UNC5D: variants seen among roughly 807,000 people sequenced by gnomAD.
UNC5D encodes the protein unc-5 netrin receptor D.
UNC5D carries 39 observed loss-of-function variants against 105.4 expected under a neutral mutation model. The ratio of observed to expected loss-of-function variants is 0.37; its 90% CI spans 0.29 to 0.48. UNC5D has a LOEUF of 0.48. Ranked by LOEUF, UNC5D falls within the 20% of genes least tolerant of loss-of-function variation. The probability of loss-of-function intolerance (pLI) is 0.98; values close to 1 mark genes in which losing one functional copy is unlikely to be tolerated. For missense variants in UNC5D, 991 were observed against 1,202.4 expected (o/e 0.82, Z 2.60); for synonymous variants, 452 against 450.4 (o/e 1.00, Z -0.04).
At chr8:35,456,233 A>G (rs765634775) in intron 1 of UNC5D, among the ~76,000 whole-genome samples, 8 of 152,098 alleles carry the variant, frequency 5.3e-5, no homozygotes, top group Non-Finnish European at 8.8e-5. Flanking sequence ...GGATTACTAA[A>G]CCATTGTTCT....
intron 1 of UNC5D, among the ~76,000 whole-genome samples, chr8:35,407,507 T>TTGTATGTATGTATGTA (rs59074158): frequency 7.3e-5 from 11 of 150,802 alleles, no homozygotes; most frequent in African/African-American, 2.7e-4. Context: ...AGGTTTTCAT[T>TTGTATGTATGTATGTA]TGTATGTATG....
chr8:35,276,120 A>G (rs924164910), intron 1 of UNC5D, among the ~76,000 whole-genome samples: 4 of 152,116 alleles, frequency 2.6e-5, no homozygotes, highest in African/African-American at 7.2e-5. Flanking sequence ...CTATTTAATC[A>G]CTCTTCTTAA....
At chr8:35,413,291 G>T (rs146427487) in intron 1 of UNC5D, among the ~76,000 whole-genome samples, 26 of 6,718 alleles carry the variant, frequency 3.9e-3, no homozygotes, top group African/African-American at 4.6e-3. Flanking sequence ...GTGTGTGTGT[G>T]TTGTGTGTGT....
chr8:35,512,942 A>G (rs1414352049), intron 1 of UNC5D, among the ~76,000 whole-genome samples: 1 of 151,832 alleles, frequency 6.6e-6, no homozygotes, highest in Non-Finnish European at 1.5e-5. Flanking sequence ...CAGCCTCCCA[A>G]TGTGCTGGGA....
intron 1 of UNC5D, among the ~76,000 whole-genome samples, chr8:35,410,729 GA>G (rs1387825030): frequency 6.6e-6 from 1 of 152,050 alleles, no homozygotes; most frequent in Admixed American, 6.6e-5. Flanking sequence ...CTGCAGTGAT[GA>G]GAAAACAGAG....
At chr8:35,270,827 C>A (rs947724496) in intron 1 of UNC5D, among the ~76,000 whole-genome samples, 2 of 151,812 alleles carry the variant, frequency 1.3e-5, no homozygotes, top group Non-Finnish European at 2.9e-5. Flanking sequence ...GCAGTCATTT[C>A]TTCCAGTTGC....
At chr8:35,330,426 T>A (rs1253500977) in intron 1 of UNC5D, among the ~76,000 whole-genome samples, 1 of 152,140 alleles carries the variant, frequency 6.6e-6, no homozygotes, top group Non-Finnish European at 1.5e-5. Flanking sequence ...AAGTCTAAGG[T>A]CTCTTTTAAT....
At chr8:35,414,308 A>G (rs1422423030) in intron 1 of UNC5D, among the ~76,000 whole-genome samples, 1 of 152,088 alleles carries the variant, frequency 6.6e-6, no homozygotes, top group African/African-American at 2.4e-5. Context: ...GCAGGATTTT[A>G]GTTGTCCTAA....
chr8:35,389,125 C>T (rs972234217), intron 1 of UNC5D, among the ~76,000 whole-genome samples: 1 of 152,192 alleles, frequency 6.6e-6, no homozygotes, highest in African/African-American at 2.4e-5. Flanking sequence ...TGGTTTTCTA[C>T]ACTACATGTG....
intron 1 of UNC5D, among the ~76,000 whole-genome samples, chr8:35,440,963 C>T (rs185509774): frequency 4.9e-4 from 74 of 152,026 alleles, no homozygotes; most frequent in African/African-American, 1.7e-3. Flanking sequence ...CTCTTTTGAG[C>T]GAGATTTAGT....
chr8:35,711,575 C>T (rs1827968682), intron 8 of UNC5D, among the ~76,000 whole-genome samples: 1 of 152,164 alleles, frequency 6.6e-6, no homozygotes, highest in Admixed American at 6.5e-5. Context: ...AGTTTGAATG[C>T]CTGGTGCTCA....
intron 1 of UNC5D, among the ~76,000 whole-genome samples, chr8:35,288,097 A>C (rs2980381): frequency 0.82 from 124,466 of 151,866 alleles, 51,476 homozygotes; most frequent in East Asian, 1. Flanking sequence ...AGATAATCTC[A>C]TGGAAGCTCA....
intron 4 of UNC5D, among the ~76,000 whole-genome samples, chr8:35,610,106 G>C (rs1187954766): frequency 6.6e-6 from 1 of 151,116 alleles, no homozygotes; most frequent in Non-Finnish European, 1.5e-5. Context: ...TTTATCTTCT[G>C]TTATCTCAAT....
At chr8:35,783,837 A>G (rs1802617183) in intron 16 of UNC5D, among the ~76,000 whole-genome samples, 1 of 152,154 alleles carries the variant, frequency 6.6e-6, no homozygotes, top group African/African-American at 2.4e-5. Flanking sequence ...GAATTCTATC[A>G]TGGTTCCTCA....
intron 1 of UNC5D, among the ~76,000 whole-genome samples, chr8:35,239,243 G>A (rs1331805044): frequency 6.6e-6 from 1 of 152,158 alleles, no homozygotes; most frequent in African/African-American, 2.4e-5. Context: ...TCACAGGGGA[G>A]GGAAACATTT....
chr8:35,421,612 T>C (rs1423016369), intron 1 of UNC5D, among the ~76,000 whole-genome samples: 1 of 152,188 alleles, frequency 6.6e-6, no homozygotes, highest in Non-Finnish European at 1.5e-5. Context: ...ATTGATTGCA[T>C]TCTTTTATTA....
At chr8:35,432,160 A>G (rs1479674690) in intron 1 of UNC5D, among the ~76,000 whole-genome samples, 1 of 152,134 alleles carries the variant, frequency 6.6e-6, no homozygotes, top group Non-Finnish European at 1.5e-5. Flanking sequence ...TTATTTATCT[A>G]TACAATAGGG....
In UNC5D at chr8:35,640,054, C is replaced by T. The variant is rs541909436; in HGVS notation, c.571-43493C>T. 2.1e-3 allele frequency among the ~76,000 whole-genome samples: 314 copies of T among 152,148 alleles called. 1 individual carries two copies. The highest frequency in any genetic ancestry group is 4.6e-3 in the Admixed American group (70 of 15,276). ...TCACTTTTTAAATAATGTACAAGCA[C>T]ATGGTCCATTTCATTTATTTGAAAA... On this transcript the variant is annotated intron_variant, in intron 4 of 16. Transcript: ENST00000404895.
chr8:35,248,819 A>G (rs1242639596), intron 1 of UNC5D, among the ~76,000 whole-genome samples: 3 of 97,844 alleles, frequency 3.1e-5, no homozygotes, highest in Non-Finnish European at 5.3e-5. Flanking sequence ...TATAATATAT[A>G]TAATATTTAT....
Sources: gnomAD v4.1 joint callset for allele counts (sites outside exome capture counted in the v4.1 genomes callset) on GRCh38, gnomAD v4.1.1 for gene constraint, MANE v1.5 for transcripts, NCBI Gene and HGNC (gene_info 2026-07-23, HGNC 2026-07-21) for gene names.